The following KCNK10 variants were observed in gnomAD, a reference collection of about 807,000 sequenced individuals.
The protein encoded by KCNK10 is potassium two pore domain channel subfamily K member 10.
KCNK10 carries 25 observed loss-of-function variants against 47.7 expected under a neutral mutation model. That is an observed-to-expected ratio of 0.52 (90% CI 0.38 to 0.73). The LOEUF (loss-of-function observed/expected upper bound fraction) is 0.73. KCNK10 is among the 30% of genes least tolerant of loss of function. The pLI, the probability that KCNK10 is intolerant of heterozygous loss-of-function variation, is 0.00. For synonymous variants in KCNK10, 303 were observed against 285.6 expected (o/e 1.06, Z -0.61); for missense variants, 563 against 714.5 (o/e 0.79, Z 2.42).
At chr14:88,274,021 A>G (rs1433201202) in intron 1 of KCNK10, among the ~76,000 whole-genome samples, 3 of 150,892 alleles carry the variant, frequency 2.0e-5, no homozygotes, top group Admixed American at 6.6e-5. Context: ...ATCTCTCCTC[A>G]CTGGCTCCCG....
intron 5 of KCNK10, among the ~76,000 whole-genome samples, chr14:88,189,232 A>C (rs545199364): frequency 2.0e-5 from 3 of 152,344 alleles, no homozygotes; most frequent in African/African-American, 7.2e-5. Context: ...AACACAGCGC[A>C]GCAGACCATG....
At chr14:88,326,280 G>T, upstream of KCNK10, 1 of 643,874 alleles carries the variant, frequency 1.6e-6, no homozygotes, top group South Asian at 1.8e-5. Context: ...CCTCAACTGC[G>T]TATTTGGAGT....
chr14:88,222,238 G>T (rs1233769860), intron 4 of KCNK10, among the ~76,000 whole-genome samples: 2 of 152,184 alleles, frequency 1.3e-5, no homozygotes, highest in Non-Finnish European at 2.9e-5. Context: ...TGGCCCCCAT[G>T]ATTCAACTAC....
chr14:88,192,097 G>A, intron 5 of KCNK10, 127 bp downstream of exon 5: 3 of 836,512 alleles, frequency 3.6e-6, no homozygotes, highest in Non-Finnish European at 5.6e-6. Context: ...CCTCTTCACA[G>A]CAGTAGTGAC....
chr14:88,231,292 T>TAAAAATA (rs1250134543), intron 3 of KCNK10, among the ~76,000 whole-genome samples: 2 of 151,390 alleles, frequency 1.3e-5, no homozygotes, highest in East Asian at 3.9e-4. Context: ...AAAATAAAAA[T>TAAAAATA]AAAAATAAAA....
At position 88,186,962 on chromosome 14, in the gene KCNK10, T is replaced by A. The variant is rs1248098990; in HGVS notation, c.1012-807A>T. ...CTCTTAATGAACAGGGCAGACAGTA[T>A]AAGTCCCATGCTTCCCTCTGCAAAT... On this transcript the variant is annotated intron_variant, in intron 6 of 6. Coordinates refer to ENST00000319231, the MANE Select transcript of KCNK10 (RefSeq NM_138317.3). The surrounding 1 kb of genome is among the most constrained non-coding windows in gnomAD (Gnocchi z 5.5). 1.3e-5 allele frequency among the ~76,000 whole-genome samples: 2 copies of A among 152,218 alleles called. No homozygotes were observed. Among genetic ancestry groups the A allele is most frequent in the African/African-American group, 4.8e-5 (2 of 41,456 alleles).
chr14:88,315,545 T>A (rs1158247069), intron 1 of KCNK10, among the ~76,000 whole-genome samples: 1 of 152,158 alleles, frequency 6.6e-6, no homozygotes, highest in Non-Finnish European at 1.5e-5. Context: ...AGCTATACTA[T>A]TTATCTTTAT....
At chr14:88,304,893 T>C (rs1029787519) in intron 1 of KCNK10, among the ~76,000 whole-genome samples, 9 of 152,146 alleles carry the variant, frequency 5.9e-5, no homozygotes, top group Admixed American at 5.2e-4. Flanking sequence ...AGGTTATGTA[T>C]TTAGTTGATG....
At chr14:88,197,702 T>C (rs1313381030) in intron 4 of KCNK10, among the ~76,000 whole-genome samples, 3 of 145,978 alleles carry the variant, frequency 2.1e-5, no homozygotes, top group East Asian at 2.1e-4. Flanking sequence ...TTGAAGATAA[T>C]ACGCTATTGG....
Position 88,227,373 on chromosome 14 carries a change from A to C in KCNK10, c.681+2T>G. On this transcript the variant is annotated splice_donor_variant, in intron 4 of 6. Coordinates refer to ENST00000319231, the MANE Select transcript of KCNK10 (RefSeq NM_138317.3). LOFTEE classifies it high-confidence loss of function. ...AGAATTTAAATATGACACAGTACTC[A>C]CTCGAAAGACCTTCTCCACTCTTGC... is the stretch of plus-strand genomic sequence containing the variant. 1 of 1,606,148 alleles carries C rather than the reference A, an allele frequency of 6.2e-7. No individual in the cohort carries two copies. The highest frequency in any genetic ancestry group is 8.5e-7 in the Non-Finnish European group (1 of 1,177,056).
At chr14:88,304,697 A>T (rs755063383) in intron 1 of KCNK10, among the ~76,000 whole-genome samples, 1 of 152,192 alleles carries the variant, frequency 6.6e-6, no homozygotes, top group Admixed American at 6.5e-5. Flanking sequence ...ATCACCCCCA[A>T]GTGCAATGCT....
chr14:88,322,631 C>T lies in KCNK10; in HGVS notation c.52+116G>A, dbSNP rs1716375679. The T allele has an allele frequency of 7.0e-7, 1 of 1,428,644 alleles. No individual in the cohort carries two copies. The highest frequency in any genetic ancestry group is 1.4e-5 in the African/African-American group (1 of 70,696). The allele number at this position is 1,428,644 out of a possible 1,614,324, so 88.5% of individuals were successfully genotyped here. A position where few individuals can be genotyped will look rare whatever the true frequency, so the allele number is the denominator to read the frequency against. ...CCACCCGCGCTGCAGTTCCCAGGCG[C>T]ATTTCCCAGCCTCAGGACACACGCT... On this transcript the variant is annotated intron_variant, in intron 1 of 6. Coordinates refer to ENST00000319231, the MANE Select transcript of KCNK10 (RefSeq NM_138317.3). The surrounding 1 kb of genome is among the most constrained non-coding windows in gnomAD (Gnocchi z 4.8).
At chr14:88,258,120 A>G (rs1887010124) in intron 2 of KCNK10, among the ~76,000 whole-genome samples, 1 of 152,030 alleles carries the variant, frequency 6.6e-6, no homozygotes, top group Non-Finnish European at 1.5e-5. Flanking sequence ...AATATAAAGA[A>G]CAGTAGCAGC....
Position 88,219,527 on chromosome 14 carries a change from T to C in KCNK10, c.681+7848A>G, listed in dbSNP as rs12323889. 8.9e-3 allele frequency among the ~76,000 whole-genome samples: 1,357 copies of C among 152,250 alleles called. 22 individuals carry two copies. The highest frequency in any genetic ancestry group is 0.031 in the African/African-American group (1,303 of 41,546). Reference sequence around the variant, plus strand: ...TAGCTTATCTTGATTGATTCAAGGATCCCAACAGCCACCTAATTTATGACA... The same window carrying C: ...TAGCTTATCTTGATTGATTCAAGGACCCCAACAGCCACCTAATTTATGACA... On this transcript the variant is annotated intron_variant, in intron 4 of 6. Coordinates refer to ENST00000319231, the MANE Select transcript of KCNK10 (RefSeq NM_138317.3).
intron 4 of KCNK10, among the ~76,000 whole-genome samples, chr14:88,195,106 T>C (rs908855909): frequency 6.6e-6 from 1 of 152,104 alleles, no homozygotes; most frequent in Non-Finnish European, 1.5e-5. Context: ...TCATGTGCCG[T>C]GTGGTGATCT....
At chr14:88,220,014 C>T (rs1172079906) in intron 4 of KCNK10, among the ~76,000 whole-genome samples, 1 of 152,112 alleles carries the variant, frequency 6.6e-6, no homozygotes, top group African/African-American at 2.4e-5. Context: ...GGGAAATCTA[C>T]AGGGTAACTT....
chr14:88,210,431 C>T (rs969462463), intron 4 of KCNK10, among the ~76,000 whole-genome samples: 22 of 152,176 alleles, frequency 1.4e-4, no homozygotes, highest in Admixed American at 9.2e-4. Flanking sequence ...GTTGACCTAG[C>T]GAGGAGCATG....
chr14:88,213,901 C>CT (rs1215210978), intron 4 of KCNK10, among the ~76,000 whole-genome samples: 2 of 143,226 alleles, frequency 1.4e-5, no homozygotes, highest in East Asian at 4.1e-4. Context: ...GTCTCAAACT[C>CT]TATGCTCTTT....
At chr14:88,191,340 AACACACACAC>A (rs56194944) in intron 5 of KCNK10, among the ~76,000 whole-genome samples, 1 of 149,962 alleles carries the variant, frequency 6.7e-6, no homozygotes, top group Non-Finnish European at 1.5e-5. Flanking sequence ...TGGTAAAGGA[AACACACACAC>A]ACACACACAC....
Sources: allele counts gnomAD v4.1 joint callset (sites outside exome capture counted in the v4.1 genomes callset), GRCh38; gene constraint gnomAD v4.1.1; non-coding constraint Gnocchi (gnomAD v3.1); transcripts MANE v1.5; gene names NCBI Gene and HGNC (gene_info 2026-07-23, HGNC 2026-07-21).